The following KMT2E variants were observed in gnomAD, a reference collection of about 807,000 sequenced individuals.
KMT2E encodes the protein lysine methyltransferase 2E (inactive).
KMT2E carries 30 observed loss-of-function variants against 184.6 expected under a neutral mutation model. The ratio of observed to expected loss-of-function variants is 0.16; its 90% CI spans 0.12 to 0.22. KMT2E has a LOEUF of 0.22. Ranked by LOEUF, KMT2E falls within the 10% of genes least tolerant of loss-of-function variation. The probability of loss-of-function intolerance (pLI) is 1.00; values close to 1 mark genes in which losing one functional copy is unlikely to be tolerated. For missense variants in KMT2E, 2,023 were observed against 2,237.4 expected (o/e 0.90, Z 1.93); for synonymous variants, 815 against 776.5 (o/e 1.05, Z -0.82).
At chr7:105,097,819 C>G (rs1019925459) in intron 15 of KMT2E, among the ~76,000 whole-genome samples, 4 of 152,162 alleles carry the variant, frequency 2.6e-5, no homozygotes, top group African/African-American at 9.7e-5. Flanking sequence ...TAACGTGATA[C>G]GTGCTTGACA....
Position 105,108,932 on chromosome 7 carries a change from C to T in KMT2E, c.3469-10C>T. 1 of 1,579,514 alleles carries T rather than the reference C, an allele frequency of 6.3e-7. No homozygotes were observed. Among genetic ancestry groups the T allele is most frequent in the Non-Finnish European group, 8.6e-7 (1 of 1,158,004 alleles). ...AAAAGATTTGCTTTTTCTCATCTTT[C>T]TTGCTTAAGGTTTCTCTATTAGAAT... On this transcript the variant is annotated splice_polypyrimidine_tract_variant and intron_variant, in intron 22 of 26. Transcript: ENST00000311117.
chr7:105,114,749 A>C lies in KMT2E; in HGVS notation c.*1416A>C, dbSNP rs2129570406. Among the ~76,000 whole-genome samples, 1 of 152,324 alleles carries C rather than the reference A, an allele frequency of 6.6e-6. No individual in the cohort carries two copies. Among genetic ancestry groups the C allele is most frequent in the South Asian group, 2.1e-4 (1 of 4,824 alleles). On this transcript the variant is annotated 3_prime_UTR_variant, in exon 27 of 27. Transcript: ENST00000311117. ...TGACCTCATTCAGTCATGTTTTTACACTTTGAACCTCTATTTATTTCCTTT... is the reference window on the plus strand; with the variant it reads ...TGACCTCATTCAGTCATGTTTTTACCCTTTGAACCTCTATTTATTTCCTTT...
Position 105,113,452 on chromosome 7 carries a change from C to T in KMT2E, c.*119C>T, listed in dbSNP as rs560428679. The stretch of plus-strand genomic sequence containing the variant: ...AACCTTTGTATAAAAAACACCAGTG[C>T]TCTTTCGTTGTATTTTTCTCATTTT... On this transcript the variant is annotated 3_prime_UTR_variant, in exon 27 of 27. Transcript: ENST00000311117. The T allele has an allele frequency of 9.0e-7, 1 of 1,106,158 alleles. No homozygotes were observed. The highest frequency in any genetic ancestry group is 2.7e-5 in the East Asian group (1 of 37,180). 68.5% of individuals were successfully genotyped at this position (1,106,158 alleles called of 1,614,324 possible). A position where few individuals can be genotyped will look rare whatever the true frequency, so the allele number is the denominator to read the frequency against.
intron 1 of KMT2E, among the ~76,000 whole-genome samples, chr7:105,015,296 G>A (rs1562869257): frequency 1.3e-5 from 2 of 152,094 alleles, no homozygotes; most frequent in African/African-American, 2.4e-5. Flanking sequence ...AGAAACAAAC[G>A]GTTCACTGTG....
chr7:105,034,854 T>TGGGGGGTG (rs1020933399), intron 1 of KMT2E, among the ~76,000 whole-genome samples: 3 of 14,710 alleles, frequency 2.0e-4, no homozygotes, highest in Non-Finnish European at 4.4e-4. Flanking sequence ...GGCTTTTTTT[T>TGGGGGGTG]GGGGGGTGGG....
intron 3 of KMT2E, 120 bp downstream of exon 3, chr7:105,041,143 G>GT (rs982602114): frequency 8.7e-6 from 4 of 457,770 alleles, no homozygotes; most frequent in African/African-American, 4.2e-5. Context: ...ATTTTTTAAA[G>GT]TAAAAAAAAA....
chr7:105,075,836 G>A (rs747730488), intron 8 of KMT2E, among the ~76,000 whole-genome samples: 3 of 151,908 alleles, frequency 2.0e-5, no homozygotes, highest in African/African-American at 2.4e-5. Context: ...ACAGGTGCCC[G>A]CCACCACTCT....
In KMT2E at chr7:105,102,212, G is replaced by A. The variant is rs372538697; in HGVS notation, c.2196+18G>A. ...CAAAGAAGGTATGATTCTAATGAAT[G>A]TAAGAACTGTTTTTCTAACAGTTTC... On this transcript the variant is annotated intron_variant, in intron 17 of 26. Transcript: ENST00000311117. The A allele has an allele frequency of 3.2e-6, 5 of 1,550,178 alleles. No homozygotes were observed. Among genetic ancestry groups the A allele is most frequent in the East Asian group, 2.4e-5 (1 of 42,534 alleles).
Position 105,109,313 on chromosome 7 carries a change from AGCTGATAGT to A in KMT2E, c.3755+89_3755+97del, listed in dbSNP as rs1307608605. On this transcript the variant is annotated intron_variant, in intron 23 of 26. Transcript: ENST00000311117. ...CCTATTTGTTGTTCTCCCAAGGCTAAGCTGATAGTGCTTCGTGGTCACAATTTTAAAAGA... is the reference window on the plus strand; with the variant it reads ...CCTATTTGTTGTTCTCCCAAGGCTAAGCTTCGTGGTCACAATTTTAAAAGA... 2.9e-6 allele frequency: 4 copies of A among 1,361,178 alleles called. No individual in the cohort carries two copies. In the African/African-American group the frequency reaches 4.3e-5, roughly 15 times the overall value. The allele number at this position is 1,361,178 out of a possible 1,614,324, so 84.3% of individuals were successfully genotyped here.
intron 21 of KMT2E, 29 bp from the exon 22 acceptor site, chr7:105,107,332 GT>G: frequency 6.6e-7 from 1 of 1,517,692 alleles, no homozygotes; most frequent in Non-Finnish European, 8.9e-7. Flanking sequence ...GTGATTATTT[GT>G]GTAATTTTTT....
intron 1 of KMT2E, among the ~76,000 whole-genome samples, chr7:105,032,503 CTTAT>C (rs1006769142): frequency 2.0e-5 from 3 of 152,114 alleles, no homozygotes; most frequent in African/African-American, 7.2e-5. Context: ...TTTTGTTTTA[CTTAT>C]TTATTTTTTT....
chr7:105,017,211 A>C (rs941724804), intron 1 of KMT2E, among the ~76,000 whole-genome samples: 5 of 152,200 alleles, frequency 3.3e-5, no homozygotes, highest in African/African-American at 1.2e-4. Context: ...TGGCCATAGG[A>C]GGGAACACTG....
chr7:105,063,867 G>C (rs7805792), intron 5 of KMT2E: 91,368 of 473,576 alleles, frequency 0.19, 12,572 homozygotes, highest in East Asian at 0.6. Context: ...CATAAACATA[G>C]CAGTAGACAA....
chr7:105,066,641 T>C, intron 5 of KMT2E, 86 bp from the exon 6 acceptor site: 1 of 1,058,502 alleles, frequency 9.4e-7, no homozygotes, highest in Non-Finnish European at 1.4e-6. Flanking sequence ...TAGGTGCTTA[T>C]TAAATGATAG....
At chr7:105,031,369 G>A (rs1795408811) in intron 1 of KMT2E, among the ~76,000 whole-genome samples, 2 of 144,070 alleles carry the variant, frequency 1.4e-5, no homozygotes, top group Admixed American at 7.0e-5. Flanking sequence ...GATTGGGGGG[G>A]TGGTGGGAGG....
At chr7:105,041,506 A>G (rs1033469419) in intron 3 of KMT2E, among the ~76,000 whole-genome samples, 6 of 152,152 alleles carry the variant, frequency 3.9e-5, no homozygotes, top group South Asian at 2.1e-4. Context: ...GGTTCAAGCA[A>G]TTCTCCTGCC....
chr7:105,105,229 C>T, intron 17 of KMT2E: 1 of 412,522 alleles, frequency 2.4e-6, no homozygotes, highest in Non-Finnish European at 4.2e-6. Flanking sequence ...ATGTTTTGTT[C>T]TACAAAATAA....
At chr7:105,081,887 G>T in intron 13 of KMT2E, 90 bp downstream of exon 13, 1 of 600,202 alleles carries the variant, frequency 1.7e-6, no homozygotes. Context: ...TACTTTTATA[G>T]CTTTTTATTT....
chr7:105,078,822 C>T, intron 11 of KMT2E, 24 bp from the exon 12 acceptor site: 3 of 1,347,024 alleles, frequency 2.2e-6, no homozygotes, highest in African/African-American at 1.4e-5. Context: ...ATGTTAATAG[C>T]TTATAATGTT....
Sources: allele counts gnomAD v4.1 joint callset (sites outside exome capture counted in the v4.1 genomes callset), GRCh38; gene constraint gnomAD v4.1.1; transcripts MANE v1.5; gene names NCBI Gene and HGNC (gene_info 2026-07-23, HGNC 2026-07-21).